Variants in AFF2 observed in about 807,000 individuals in gnomAD.
AFF2 encodes AF4/FMR2 family member 2.
In AFF2, 14 loss-of-function variants were observed where a neutral mutation model predicts 76.9. The observed-to-expected ratio is 0.18, with a 90% CI of 0.12 to 0.28. The LOEUF (loss-of-function observed/expected upper bound fraction) is 0.28. AFF2 is among the 10% of genes least tolerant of loss of function. The probability of loss-of-function intolerance (pLI) is 1.00; values close to 1 mark genes in which losing one functional copy is unlikely to be tolerated. For synonymous variants in AFF2, 398 were observed against 366.7 expected (o/e 1.09, Z -0.98); for missense variants, 868 against 1,001.1 (o/e 0.87, Z 1.79).
At chrX:148,824,060 C>CCT (rs60032031) in intron 4 of AFF2, among the ~76,000 whole-genome samples, 529 of 95,596 alleles carry the variant, frequency 5.5e-3, no homozygotes, top group African/African-American at 8.8e-3. Flanking sequence ...ATATTTGCTT[C>CCT]CTCTCTCTCT....
At chrX:148,771,205 A>G (rs782317616) in intron 3 of AFF2, among the ~76,000 whole-genome samples, 147 of 111,901 alleles carry the variant, frequency 1.3e-3, no homozygotes, top group African/African-American at 4.6e-3. Context: ...TTTTCCTATC[A>G]TAAGCCTTAG....
chrX:148,731,671 T>A (rs1557264682), intron 3 of AFF2, among the ~76,000 whole-genome samples: 1 of 105,404 alleles, frequency 9.5e-6, no homozygotes, highest in Non-Finnish European at 1.9e-5. Flanking sequence ...CGCCACCTAC[T>A]CATCTGACAA....
At chrX:148,694,420 G>A (rs1296223986) in intron 3 of AFF2, among the ~76,000 whole-genome samples, 2 of 112,008 alleles carry the variant, frequency 1.8e-5, no homozygotes, top group African/African-American at 6.5e-5. Flanking sequence ...AGATGGAGAG[G>A]ACTCTCAACT....
At chrX:148,835,785 A>C (rs1173229262) in intron 4 of AFF2, among the ~76,000 whole-genome samples, 1 of 111,041 alleles carries the variant, frequency 9.0e-6, no homozygotes. Context: ...TCCACCTCAC[A>C]TACTTTTTTT....
At chrX:148,618,389 G>A (rs1557250795) in intron 1 of AFF2, among the ~76,000 whole-genome samples, 1 of 111,227 alleles carries the variant, frequency 9.0e-6, no homozygotes, top group African/African-American at 3.3e-5. Context: ...TGGCAGGAAG[G>A]AGAAGTGCCG....
intron 7 of AFF2, 47 bp downstream of exon 7, chrX:148,843,480 A>C: frequency 9.4e-7 from 1 of 1,067,842 alleles, no homozygotes; most frequent in Non-Finnish European, 1.3e-6. Context: ...GATATTTGGC[A>C]AGGAAACAGT....
At chrX:148,580,747 A>G (rs782496571) in intron 1 of AFF2, among the ~76,000 whole-genome samples, 21 of 107,921 alleles carry the variant, frequency 1.9e-4, no homozygotes, top group South Asian at 1.2e-3. Flanking sequence ...GTGTGTGTGT[A>G]TATATATATG....
At chrX:148,505,455 A>G (rs1294568542) in intron 1 of AFF2, among the ~76,000 whole-genome samples, 2 of 112,273 alleles carry the variant, frequency 1.8e-5, no homozygotes, top group African/African-American at 3.2e-5. Flanking sequence ...TGAGTCCATC[A>G]TTATAGACAT....
intron 7 of AFF2, among the ~76,000 whole-genome samples, chrX:148,865,560 CA>C (rs1390917785): frequency 2.7e-5 from 3 of 111,962 alleles, no homozygotes; most frequent in Non-Finnish European, 5.6e-5. Flanking sequence ...ACACTGTGTA[CA>C]CAGAATAGGT....
intron 3 of AFF2, among the ~76,000 whole-genome samples, chrX:148,747,305 T>C (rs2055432867): frequency 2.7e-5 from 3 of 111,541 alleles, no homozygotes; most frequent in South Asian, 7.6e-4. Context: ...TATCTCAAAG[T>C]TCAACATGGT....
intron 12 of AFF2, 44 bp from the exon 13 acceptor site, chrX:148,962,671 A>T: frequency 9.3e-7 from 1 of 1,077,585 alleles, no homozygotes; most frequent in Non-Finnish European, 1.3e-6. Context: ...CAGAATAAAG[A>T]GAGAGAAGAC....
chrX:148,930,317 A>G (rs1603342087), intron 9 of AFF2, among the ~76,000 whole-genome samples: 1 of 112,063 alleles, frequency 8.9e-6, no homozygotes, highest in Admixed American at 9.4e-5. Context: ...TTCACACTGA[A>G]CTATACCAGC....
chrX:148,702,434 GTTTTTCTGCATC>G (rs1557261958), intron 3 of AFF2, among the ~76,000 whole-genome samples: 1 of 111,589 alleles, frequency 9.0e-6, no homozygotes, highest in East Asian at 2.8e-4. Flanking sequence ...TTCCAGGTAA[GTTTTTCTGCATC>G]TTTTTTGGTA....
At chrX:148,675,705 AG>A (rs1199496242) in intron 3 of AFF2, among the ~76,000 whole-genome samples, 1 of 109,775 alleles carries the variant, frequency 9.1e-6, no homozygotes, top group East Asian at 2.9e-4. Flanking sequence ...TATGGAGACC[AG>A]GATGTTCATC....
intron 9 of AFF2, among the ~76,000 whole-genome samples, chrX:148,934,128 A>T (rs1557284727): frequency 1.8e-5 from 2 of 112,846 alleles, no homozygotes; most frequent in African/African-American, 6.4e-5. Context: ...TACATGACTG[A>T]ATCAGTCAAA....
rs371068687 is a variant in AFF2, at chrX:148,508,879, C to T, written c.47+7735C>T. Among the ~76,000 whole-genome samples, 49 of 111,177 alleles carry T rather than the reference C, an allele frequency of 4.4e-4. No homozygotes were observed. In the South Asian group the frequency reaches 0.017, roughly 39 times the overall value. Reference sequence around the variant, plus strand: ...AAGCTAGAGTTTTAAGGCTGGAGGGCCCCTTTGGATCATGTGATCCAAACT... The same window carrying T: ...AAGCTAGAGTTTTAAGGCTGGAGGGTCCCTTTGGATCATGTGATCCAAACT... On this transcript the variant is annotated intron_variant, in intron 1 of 20. Transcript: ENST00000370460.
At chrX:148,839,051 T>C (rs1557274059) in intron 5 of AFF2, among the ~76,000 whole-genome samples, 1 of 112,394 alleles carries the variant, frequency 8.9e-6, no homozygotes, top group Non-Finnish European at 1.9e-5. Context: ...CCAACACTTG[T>C]ACAGCAATTG....
intron 1 of AFF2, among the ~76,000 whole-genome samples, chrX:148,612,309 A>G (rs2053742881): frequency 8.9e-6 from 1 of 112,075 alleles, no homozygotes; most frequent in African/African-American, 3.2e-5. Flanking sequence ...TGAAACCTCT[A>G]TTAACAAAGC....
intron 8 of AFF2, among the ~76,000 whole-genome samples, chrX:148,900,438 A>G (rs1206888475): frequency 9.0e-6 from 1 of 111,725 alleles, no homozygotes; most frequent in Non-Finnish European, 1.9e-5. Context: ...TAGCCACATC[A>G]TCCCTCCAAA....
Sources: allele counts gnomAD v4.1 joint callset (sites outside exome capture counted in the v4.1 genomes callset), GRCh38; gene constraint gnomAD v4.1.1; transcripts MANE v1.5; gene names NCBI Gene and HGNC (gene_info 2026-07-23, HGNC 2026-07-21).